MANBA: variants seen among roughly 807,000 people sequenced by gnomAD.
MANBA encodes the protein beta-mannosidase.
Under a neutral mutation model 111.1 loss-of-function variants are expected in MANBA, and 83 were observed. The ratio of observed to expected loss-of-function variants is 0.75; its 90% CI spans 0.63 to 0.90. The LOEUF (loss-of-function observed/expected upper bound fraction) is 0.90. Ranked by LOEUF, MANBA falls within the 40% of genes least tolerant of loss-of-function variation. The pLI is 0.00. For synonymous variants in MANBA, 370 were observed against 378.7 expected (o/e 0.98, Z 0.27); for missense variants, 1,036 against 1,069.0 (o/e 0.97, Z 0.43).
rs534744416 is a variant in MANBA at position 102,715,960 on chromosome 4, C to A, written c.550-1399G>T. Among the ~76,000 whole-genome samples, 95 of 152,144 alleles carry A rather than the reference C, an allele frequency of 6.2e-4. 1 individual carries two copies. In the Middle Eastern group the frequency reaches 0.017, roughly 27 times the overall value. ...TCTCTATAATATCTCTGAACCTAAC[C>A]ATTGTATTTAAATCTAATAGTTACA... On this transcript the variant is annotated intron_variant, in intron 4 of 16. Transcript: ENST00000647097.
chr4:102,668,895 G>A, intron 10 of MANBA, 68 bp downstream of exon 10: 2 of 1,325,588 alleles, frequency 1.5e-6, no homozygotes, highest in South Asian at 2.5e-5. Context: ...AATGAAGCAA[G>A]ATTTAACAAA....
intron 5 of MANBA, among the ~76,000 whole-genome samples, chr4:102,710,494 G>A (rs558975839): frequency 6.6e-6 from 1 of 152,230 alleles, no homozygotes; most frequent in East Asian, 1.9e-4. Context: ...AACGTCTGAT[G>A]AAATAAATTG....
chr4:102,693,713 T>G (rs770501670), intron 5 of MANBA, among the ~76,000 whole-genome samples: 1 of 152,136 alleles, frequency 6.6e-6, no homozygotes, highest in African/African-American at 2.4e-5. Context: ...AACAGTAGAG[T>G]TGAGTAGTTG....
At chr4:102,750,495 C>A (rs1431121498) in intron 1 of MANBA, among the ~76,000 whole-genome samples, 4 of 151,942 alleles carry the variant, frequency 2.6e-5, no homozygotes, top group Non-Finnish European at 4.4e-5. Flanking sequence ...TGAAACACAT[C>A]AAAAATATTT....
At chr4:102,708,679 C>CA (rs894296733) in intron 5 of MANBA, among the ~76,000 whole-genome samples, 12 of 150,204 alleles carry the variant, frequency 8.0e-5, no homozygotes, top group Admixed American at 5.3e-4. Context: ...GAAATAGAGA[C>CA]AAAAAAAACA....
At chr4:102,677,755 C>G (rs1731789295) in intron 7 of MANBA, among the ~76,000 whole-genome samples, 1 of 152,124 alleles carries the variant, frequency 6.6e-6, no homozygotes. Flanking sequence ...ATGAGAATCC[C>G]TTTGTCTCCT....
intron 15 of MANBA, among the ~76,000 whole-genome samples, chr4:102,635,380 T>C (rs777589741): frequency 1.3e-5 from 2 of 152,232 alleles, no homozygotes; most frequent in Non-Finnish European, 2.9e-5. Flanking sequence ...CTCCAAACTA[T>C]AGCCACCTAA....
intron 2 of MANBA, among the ~76,000 whole-genome samples, chr4:102,724,308 A>G (rs941978989): frequency 1.3e-5 from 2 of 152,244 alleles, no homozygotes; most frequent in African/African-American, 4.8e-5. Context: ...CTGTAATCCC[A>G]GCACTTTGGG....
intron 16 of MANBA, chr4:102,633,564 C>T (rs906530528): frequency 1.8e-5 from 7 of 397,218 alleles, no homozygotes; most frequent in Admixed American, 4.4e-5. Flanking sequence ...CCGAATTAAA[C>T]ATTAACTAAC....
At chr4:102,707,236 T>A (rs2110265214) in intron 5 of MANBA, among the ~76,000 whole-genome samples, 1 of 152,258 alleles carries the variant, frequency 6.6e-6, no homozygotes, top group South Asian at 2.1e-4. Flanking sequence ...CAGATCAGAT[T>A]TTTCAGCAAA....
At chr4:102,740,623 G>A (rs974673333) in intron 1 of MANBA, among the ~76,000 whole-genome samples, 1 of 152,012 alleles carries the variant, frequency 6.6e-6, no homozygotes, top group Non-Finnish European at 1.5e-5. Flanking sequence ...ACAGAATAGA[G>A]AGCCCAGAAA....
chr4:102,737,449 T>C (rs1723256267), intron 1 of MANBA, among the ~76,000 whole-genome samples: 1 of 150,820 alleles, frequency 6.6e-6, no homozygotes, highest in Admixed American at 6.6e-5. Flanking sequence ...GCTGGCTTCA[T>C]GGAAGATGGG....
At chr4:102,742,489 T>C (rs1278851055) in intron 1 of MANBA, among the ~76,000 whole-genome samples, 2 of 152,128 alleles carry the variant, frequency 1.3e-5, no homozygotes, top group Non-Finnish European at 2.9e-5. Flanking sequence ...CCCTGAAAAG[T>C]ATTGTCACCC....
intron 5 of MANBA, among the ~76,000 whole-genome samples, chr4:102,706,973 A>G (rs1733325256): frequency 6.6e-6 from 1 of 152,208 alleles, no homozygotes; most frequent in South Asian, 2.1e-4. Context: ...AGTGTGCCAG[A>G]AAGCAAACAG....
In MANBA at chr4:102,647,850, A is replaced by T. The variant is rs112720502; in HGVS notation, c.1869+2687T>A. ...ACAGTTTTCTGCTTTAGTTTCTATC[A>T]TGGGGTTTGTGTTTTCATACAGGAG... On this transcript the variant is annotated intron_variant, in intron 13 of 16. Coordinates refer to ENST00000647097, the MANE Select transcript of MANBA (RefSeq NM_005908.4). Among the ~76,000 whole-genome samples the T allele has an allele frequency of 2.1e-3, 324 of 152,220 alleles. 1 individual carries two copies. Among genetic ancestry groups the T allele is most frequent in the African/African-American group, 7.6e-3 (315 of 41,560 alleles).
intron 2 of MANBA, 94 bp downstream of exon 2, chr4:102,726,495 A>AAAC: frequency 1.5e-6 from 1 of 650,716 alleles, no homozygotes; most frequent in Non-Finnish European, 2.6e-6. Context: ...CATACAAAAC[A>AAAC]AAAAAAAAAC....
chr4:102,663,477 T>C (rs1731063337), intron 11 of MANBA, among the ~76,000 whole-genome samples: 1 of 152,222 alleles, frequency 6.6e-6, no homozygotes, highest in Admixed American at 6.5e-5. Flanking sequence ...AAAATAAGTG[T>C]TCTGTAAATA....
chr4:102,721,528 G>A (rs562450110), intron 4 of MANBA, among the ~76,000 whole-genome samples: 22 of 152,184 alleles, frequency 1.4e-4, no homozygotes, highest in Admixed American at 3.9e-4. Context: ...CTAAACGTCC[G>A]TCAACAGATG....
In MANBA at chr4:102,671,264, T is replaced by C. The variant is rs367696486; in HGVS notation, c.1230+17A>G. 3.8e-5 allele frequency: 54 copies of C among 1,412,452 alleles called. No individual in the cohort carries two copies. The highest frequency in any genetic ancestry group is 1.8e-4 in the Middle Eastern group (1 of 5,694). 87.5% of individuals were successfully genotyped at this position (1,412,452 alleles called of 1,614,324 possible). On this transcript the variant is annotated intron_variant, in intron 9 of 16. Coordinates refer to ENST00000647097, the MANE Select transcript of MANBA (RefSeq NM_005908.4). ...TATAGTAACTTATCAATATATAAAATGCTATCAACTTCTCACCATTATTCC... is the reference window on the plus strand; with the variant it reads ...TATAGTAACTTATCAATATATAAAACGCTATCAACTTCTCACCATTATTCC...
Sources: gnomAD v4.1 joint callset for allele counts (sites outside exome capture counted in the v4.1 genomes callset) on GRCh38, gnomAD v4.1.1 for gene constraint, MANE v1.5 for transcripts, NCBI Gene and HGNC (gene_info 2026-07-23, HGNC 2026-07-21) for gene names.